LIPA: variants seen among roughly 807,000 people sequenced by gnomAD.
The protein encoded by LIPA is lipase A, lysosomal acid type.
LIPA carries 26 observed loss-of-function variants against 40.6 expected under a neutral mutation model. That is an observed-to-expected ratio of 0.64 (90% CI 0.47 to 0.89). The LOEUF (loss-of-function observed/expected upper bound fraction) is 0.89. Among genes scored for constraint, LIPA ranks in the 40% least tolerant of loss-of-function variants. The pLI, the probability that LIPA is intolerant of heterozygous loss-of-function variation, is 0.00. For synonymous variants in LIPA, 188 were observed against 168.4 expected (o/e 1.12, Z -0.90); for missense variants, 455 against 479.6 (o/e 0.95, Z 0.48).
intron 1 of LIPA, among the ~76,000 whole-genome samples, chr10:89,265,332 C>T (rs1843230170): frequency 6.6e-6 from 1 of 152,150 alleles, no homozygotes; most frequent in Non-Finnish European, 1.5e-5. Flanking sequence ...GACCTGCCAA[C>T]TCGGAAGGGG....
At chr10:89,294,563 T>G (rs774841556) in intron 1 of LIPA, among the ~76,000 whole-genome samples, 61 of 152,166 alleles carry the variant, frequency 4.0e-4, no homozygotes, top group Non-Finnish European at 7.6e-4. Flanking sequence ...TCCCATTAGG[T>G]CCCACCTCCC....
At chr10:89,336,186 G>A (rs1843736746) in intron 1 of LIPA, among the ~76,000 whole-genome samples, 3 of 151,258 alleles carry the variant, frequency 2.0e-5, no homozygotes, top group Admixed American at 6.6e-5. Flanking sequence ...AGGAAGGAAG[G>A]AAGGGAGGAA....
Position 89,277,319 on chromosome 10 carries a change from G to A in LIPA, c.-1-29670C>T, listed in dbSNP as rs147966588. 6.6e-5 allele frequency among the ~76,000 whole-genome samples: 10 copies of A among 152,326 alleles called. No homozygotes were observed. The East Asian group carries it at 1.9e-3, about 29-fold the overall frequency. ...CAAGTTATGTAATCCTTTTGAGTCT[G>A]CTTTCTCGTATTTAAAAAGCAGATA... On this transcript the variant is annotated intron_variant, in intron 1 of 5. Coordinates refer to the LIPA transcript ENST00000282673.
chr10:89,338,127 G>GA (rs1843775903), intron 1 of LIPA: 1 of 153,846 alleles, frequency 6.5e-6, no homozygotes, highest in Admixed American at 6.4e-5. Flanking sequence ...GGTTTATCAG[G>GA]ATATAACCCC....
In LIPA at chr10:89,283,113, T is replaced by C. The variant is rs565054789; in HGVS notation, c.-1-35464A>G. 4.5e-3 allele frequency among the ~76,000 whole-genome samples: 692 copies of C among 152,356 alleles called. 1 individual carries two copies. The highest frequency in any genetic ancestry group is 6.8e-3 in the Non-Finnish European group (465 of 68,032). ...TTCACCCTGACAGTTTTTCTGTACA[T>C]AGTAAACTATAACCTAACTGGATGT... On this transcript the variant is annotated intron_variant, in intron 1 of 5. Coordinates refer to the LIPA transcript ENST00000282673.
intron 2 of LIPA, among the ~76,000 whole-genome samples, chr10:89,355,019 C>T (rs925378141): frequency 1.3e-5 from 2 of 152,086 alleles, no homozygotes; most frequent in Admixed American, 6.5e-5. Flanking sequence ...TCAGGTGGGT[C>T]CAGGTGGAGC....
intron 1 of LIPA, among the ~76,000 whole-genome samples, chr10:89,259,048 A>G (rs749763308): frequency 3.3e-5 from 5 of 152,236 alleles, no homozygotes; most frequent in Non-Finnish European, 5.9e-5. Flanking sequence ...TGGTGGGTTG[A>G]TGGCTAAAGG....
intron 1 of LIPA, among the ~76,000 whole-genome samples, chr10:89,304,527 C>A (rs1843465914): frequency 6.6e-6 from 1 of 151,982 alleles, no homozygotes; most frequent in African/African-American, 2.4e-5. Flanking sequence ...TTCCAGATAT[C>A]TATTGGTTGT....
intron 1 of LIPA, among the ~76,000 whole-genome samples, chr10:89,413,488 T>C (rs1448791287): frequency 6.6e-6 from 1 of 152,178 alleles, no homozygotes; most frequent in Non-Finnish European, 1.5e-5. Flanking sequence ...CTCATGCCTG[T>C]AATCCCAGCA....
intron 3 of LIPA, among the ~76,000 whole-genome samples, chr10:89,233,795 G>A (rs1384123858): frequency 6.6e-6 from 1 of 152,172 alleles, no homozygotes; most frequent in Non-Finnish European, 1.5e-5. Flanking sequence ...GAACCCAAGA[G>A]GTAGAAGTTG....
intron 1 of LIPA, among the ~76,000 whole-genome samples, chr10:89,334,240 A>C (rs944035328): frequency 1.3e-5 from 2 of 152,000 alleles, no homozygotes; most frequent in Admixed American, 1.3e-4. Flanking sequence ...TAGGTGAGAG[A>C]CTGTAACTAT....
chr10:89,335,061 C>T (rs562392040), intron 1 of LIPA, among the ~76,000 whole-genome samples: 1 of 152,164 alleles, frequency 6.6e-6, no homozygotes, highest in African/African-American at 2.4e-5. Flanking sequence ...GGTCTCAGGC[C>T]TTCCAGTCCA....
At chr10:89,381,271 A>G (rs1195214050) in intron 2 of LIPA, among the ~76,000 whole-genome samples, 1 of 152,182 alleles carries the variant, frequency 6.6e-6, no homozygotes, top group Non-Finnish European at 1.5e-5. Flanking sequence ...TCCACGGGGC[A>G]TGAGTGGACG....
intron 1 of LIPA, among the ~76,000 whole-genome samples, chr10:89,291,827 G>A (rs1843376743): frequency 6.6e-6 from 1 of 152,164 alleles, no homozygotes; most frequent in Admixed American, 6.5e-5. Flanking sequence ...CACCAGGAAG[G>A]GGGCTTCCTA....
At chr10:89,362,937 C>A in intron 2 of LIPA, 1 of 269,564 alleles carries the variant, frequency 3.7e-6, no homozygotes, top group South Asian at 8.8e-5. Context: ...GGCTGTCAGT[C>A]TAAATCCAAA....
intron 3 of LIPA, among the ~76,000 whole-genome samples, chr10:89,234,428 C>T (rs1415902183): frequency 6.6e-6 from 1 of 152,210 alleles, no homozygotes; most frequent in East Asian, 1.9e-4. Context: ...ACTTACTGAA[C>T]TTCTAGAGAT....
At chr10:89,230,862 A>C (rs1842833067) in intron 3 of LIPA, among the ~76,000 whole-genome samples, 1 of 152,210 alleles carries the variant, frequency 6.6e-6, no homozygotes. Flanking sequence ...TCTGCGTCTC[A>C]GTTCCAAAAA....
chr10:89,347,202 G>A (rs1482586618), upstream of LIPA, among the ~76,000 whole-genome samples: 1 of 152,206 alleles, frequency 6.6e-6, no homozygotes, highest in East Asian at 1.9e-4. Context: ...AGGTTTCCAA[G>A]AGGGCCGGTA....
intron 1 of LIPA, among the ~76,000 whole-genome samples, chr10:89,310,372 A>C (rs1843509003): frequency 6.6e-6 from 1 of 152,168 alleles, no homozygotes; most frequent in Admixed American, 6.5e-5. Context: ...TGCAACTGGA[A>C]GACTGGAAGC....
Sources: allele counts gnomAD v4.1 joint callset (sites outside exome capture counted in the v4.1 genomes callset), GRCh38; gene constraint gnomAD v4.1.1; transcripts MANE v1.5; gene names NCBI Gene and HGNC (gene_info 2026-07-23, HGNC 2026-07-21).